The following RRP1 variants were observed in gnomAD, a reference collection of about 807,000 sequenced individuals.
RRP1 encodes the protein ribosomal RNA processing protein 1 homolog A.
In RRP1, 37 loss-of-function variants were observed where a neutral mutation model predicts 54.6. The observed-to-expected ratio is 0.68, with a 90% CI of 0.52 to 0.89. The LOEUF (loss-of-function observed/expected upper bound fraction) is 0.89. Ranked by LOEUF, RRP1 falls within the 40% of genes least tolerant of loss-of-function variation. The pLI, the probability that RRP1 is intolerant of heterozygous loss-of-function variation, is 0.00. For missense variants in RRP1, 639 were observed against 612.5 expected, an observed-to-expected ratio of 1.04 and a Z score of -0.46; for synonymous variants, 262 against 244.3, an observed-to-expected ratio of 1.07 and a Z score of -0.67.
chr21:43,794,063 G>T (rs1171292157), intron 4 of RRP1, among the ~76,000 whole-genome samples: 1 of 152,018 alleles, frequency 6.6e-6, no homozygotes, highest in Non-Finnish European at 1.5e-5. Flanking sequence ...CACCCAATGG[G>T]GACACTGAAA....
rs1317848779 is a variant in RRP1 at position 43,792,186 on chromosome 21, A to G, written c.217-486A>G. On this transcript the variant is annotated intron_variant, in intron 2 of 12. Transcript: ENST00000497547. ...GGTTCCTGGGCCATATTCCATGCCCACTGAATTATCAAGGGGAGGCTGTGA... is the reference window on the plus strand; with the variant it reads ...GGTTCCTGGGCCATATTCCATGCCCGCTGAATTATCAAGGGGAGGCTGTGA... Among the ~76,000 whole-genome samples the G allele has an allele frequency of 3.3e-5, 5 of 152,280 alleles. No individual in the cohort carries two copies. In the South Asian group the frequency reaches 1.0e-3, roughly 32 times the overall value.
rs543807521 is a variant in RRP1 at position 43,800,444 on chromosome 21, C to T, written c.892-73C>T. On this transcript the variant is annotated intron_variant, in intron 9 of 12. Transcript: ENST00000497547. ...GTGGGACCAAGTGCTATCTGGGTCT[C>T]AGGGGTTCCACGTTCTCGGAGCACG... The T allele has an allele frequency of 4.2e-6, 6 of 1,435,460 alleles. No individual in the cohort carries two copies. In the East Asian group the frequency reaches 1.4e-4, roughly 33 times the overall value. The allele number at this position is 1,435,460 out of a possible 1,614,324, so 88.9% of individuals were successfully genotyped here.
chr21:43,794,254 G>A (rs1384061620), intron 4 of RRP1, among the ~76,000 whole-genome samples: 1 of 152,168 alleles, frequency 6.6e-6, no homozygotes, highest in African/African-American at 2.4e-5. Context: ...CAGGCCAGGG[G>A]CCCGGCCATG....
In RRP1 at chr21:43,798,092, C is replaced by A. The variant is rs58028593; in HGVS notation, c.803C>A (p.Pro268Gln). 2 of 1,610,698 alleles carry A rather than the reference C, an allele frequency of 1.2e-6. No homozygotes were observed. Among genetic ancestry groups the A allele is most frequent in the Non-Finnish European group, 1.7e-6 (2 of 1,178,278 alleles). The change falls in exon 8 of 13, where the codon CCG becomes CAG. Residue 268 changes from proline (P) to glutamine (Q), a missense_variant. Pro to Gln is a moderately conservative substitution (Grantham distance 76). Transcript: ENST00000497547. ...DALSQKRSEK[P>Q]PAGSICRAEP... ...CTGTCCCAGAAGAGGTCTGAGAAGC[C>A]GCCCGCAGGTGGGGGTCACACTGCG... is the stretch of plus-strand genomic sequence containing the variant.
intron 3 of RRP1, 126 bp downstream of exon 3, chr21:43,792,855 G>A (rs766552707): frequency 5.9e-5 from 57 of 960,566 alleles, no homozygotes; most frequent in African/African-American, 4.5e-4. Context: ...GCAAGAGAGC[G>A]CCAGCTGGTG....
chr21:43,798,028 A>G lies in RRP1; in HGVS notation c.739A>G (p.Ser247Gly), dbSNP rs748385452. The G allele has an allele frequency of 2.5e-6, 4 of 1,614,066 alleles. No homozygotes were observed. In the African/African-American group the frequency reaches 4.0e-5, roughly 16 times the overall value. ...ACAGGATGAGGAGGTGGCGTCGGAC[A>G]GTGATGAGTCCTCTGAGGGTGGTGA... ...DTQDEEVASD[S>G]DESSEGGERG... The change falls in exon 8 of 13, where the codon AGT becomes GGT. Residue 247 changes from serine to glycine, a missense_variant. Ser to Gly is a moderately conservative substitution (Grantham distance 56). Transcript: ENST00000497547.
At chr21:43,792,842 A>G (rs2084974358) in intron 3 of RRP1, 113 bp downstream of exon 3, 2 of 1,111,812 alleles carry the variant, frequency 1.8e-6, no homozygotes, top group African/African-American at 1.5e-5. Flanking sequence ...GGAATGCCTA[A>G]GGGCAAGAGA....
intron 5 of RRP1, among the ~76,000 whole-genome samples, chr21:43,797,026 C>A (rs1196170892): frequency 6.6e-6 from 1 of 152,194 alleles, no homozygotes; most frequent in Non-Finnish European, 1.5e-5. Flanking sequence ...CGTGTCTTCC[C>A]CAGCGGTACC....
At position 43,803,734 on chromosome 21, in the gene RRP1, A is replaced by G. The variant is rs1350018917; in HGVS notation, c.1346A>G (p.Asn449Ser). The change falls in exon 13 of 13, where the codon AAT becomes AGT. Residue 449 changes from asparagine to serine, a missense_variant. Transcript: ENST00000497547. ...ACCAGTGCCCGAGCAAAGGCGGCCA[A>G]TGTCCAGGAGCCGGAGAAGAAGAAG... ...PLTSARAKAANVQEPEKKKKR... is the reference protein window; with the variant it reads ...PLTSARAKAASVQEPEKKKKR... 11 of 1,574,452 alleles carry G rather than the reference A, an allele frequency of 7.0e-6. No homozygotes were observed. Among genetic ancestry groups the G allele is most frequent in the African/African-American group, 2.7e-5 (2 of 74,402 alleles).
intron 5 of RRP1, 111 bp from the exon 6 acceptor site, chr21:43,797,311 C>T (rs2085029265): frequency 3.4e-6 from 5 of 1,483,200 alleles, no homozygotes; most frequent in Admixed American, 4.7e-5. Context: ...GACAGTGGCG[C>T]CTGCCCGCAC....
intron 1 of RRP1, among the ~76,000 whole-genome samples, chr21:43,790,303 C>G (rs979971394): frequency 2.0e-5 from 3 of 152,202 alleles, no homozygotes; most frequent in Non-Finnish European, 4.4e-5. Context: ...GTGGCCCAAG[C>G]CTGTAATCCC....
intron 5 of RRP1, among the ~76,000 whole-genome samples, chr21:43,796,868 C>T (rs1011265073): frequency 6.6e-6 from 1 of 152,192 alleles, no homozygotes; most frequent in African/African-American, 2.4e-5. Flanking sequence ...GCCTGTGATG[C>T]CATCAAACCC....
intron 4 of RRP1, among the ~76,000 whole-genome samples, chr21:43,794,800 T>C (rs1266094111): frequency 6.6e-6 from 1 of 152,226 alleles, no homozygotes; most frequent in Non-Finnish European, 1.5e-5. Context: ...GACCTGGTTT[T>C]GCGGAGGGCT....
rs1334378998 is a variant in RRP1, at chr21:43,792,891, G to A, written c.274+162G>A. The A allele has an allele frequency of 1.6e-5, 11 of 694,830 alleles. No homozygotes were observed. In the Admixed American group the frequency reaches 2.9e-4, roughly 18 times the overall value. The allele number at this position is 694,830 out of a possible 1,614,324, so 43.0% of individuals were successfully genotyped here. ...TCTGTGGGTGCTTAGCATGTGTGCA[G>A]TGCTGGTGTAAGTATTCAACATGGA... On this transcript the variant is annotated intron_variant, in intron 3 of 12. Coordinates refer to ENST00000497547, the MANE Select transcript of RRP1 (RefSeq NM_003683.6).
intron 3 of RRP1, 53 bp from the exon 4 acceptor site, chr21:43,793,266 C>G: frequency 6.5e-7 from 1 of 1,534,912 alleles, no homozygotes; most frequent in African/African-American, 1.4e-5. Flanking sequence ...CCTCCCTCCC[C>G]AGAGTGGCTT....
chr21:43,798,104 G>A lies in RRP1; in HGVS notation c.811+4G>A. 2 of 1,605,584 alleles carry A rather than the reference G, an allele frequency of 1.2e-6. No individual in the cohort carries two copies. Among genetic ancestry groups the A allele is most frequent in the Non-Finnish European group, 1.7e-6 (2 of 1,175,462 alleles). On this transcript the variant is annotated splice_donor_region_variant and intron_variant, in intron 8 of 12. Coordinates refer to ENST00000497547, the MANE Select transcript of RRP1 (RefSeq NM_003683.6). ...AGGTCTGAGAAGCCGCCCGCAGGTGGGGGTCACACTGCGCCTGGCTTCTCC... is the reference window on the plus strand; with the variant it reads ...AGGTCTGAGAAGCCGCCCGCAGGTGAGGGTCACACTGCGCCTGGCTTCTCC...
intron 5 of RRP1, among the ~76,000 whole-genome samples, chr21:43,796,631 G>A (rs566429121): frequency 6.6e-6 from 1 of 152,216 alleles, no homozygotes; most frequent in Admixed American, 6.5e-5. Context: ...TCTTCCTCTT[G>A]GTCTCAGCAC....
intron 1 of RRP1, among the ~76,000 whole-genome samples, chr21:43,790,249 T>A (rs2084943044): frequency 6.6e-6 from 1 of 152,088 alleles, no homozygotes; most frequent in Non-Finnish European, 1.5e-5. Context: ...AGCAGTAGCA[T>A]CCCCTGGACA....
At chr21:43,793,599 T>C (rs2084982937) in intron 4 of RRP1, among the ~76,000 whole-genome samples, 195 bp downstream of exon 4, 1 of 152,206 alleles carries the variant, frequency 6.6e-6, no homozygotes, top group Non-Finnish European at 1.5e-5. Flanking sequence ...CTGAGGGTCA[T>C]TGAATGGGCA....
Sources: allele counts gnomAD v4.1 joint callset (sites outside exome capture counted in the v4.1 genomes callset), GRCh38; gene constraint gnomAD v4.1.1; transcripts MANE v1.5; gene names NCBI Gene and HGNC (gene_info 2026-07-23, HGNC 2026-07-21).